Variants in RBFOX1 observed in about 807,000 individuals in gnomAD.
RBFOX1 encodes the protein RNA binding fox-1 homolog 1.
A neutral mutation model predicts 57.7 loss-of-function variants in RBFOX1; 8 were observed. The observed-to-expected ratio is 0.14, with a 90% CI of 0.08 to 0.25. The LOEUF (loss-of-function observed/expected upper bound fraction) is 0.25, where lower values mean the gene tolerates loss of function less well. Among genes scored for constraint, RBFOX1 ranks in the 10% least tolerant of loss-of-function variants. The probability of loss-of-function intolerance (pLI) is 1.00; values close to 1 mark genes in which losing one functional copy is unlikely to be tolerated. For synonymous variants in RBFOX1, 326 were observed against 222.4 expected (o/e 1.47, Z -4.15); for missense variants, 611 against 548.5 (o/e 1.11, Z -1.14).
intron 4 of RBFOX1, among the ~76,000 whole-genome samples, chr16:7,134,474 C>G (rs937769054): frequency 1.3e-5 from 2 of 152,162 alleles, no homozygotes; most frequent in East Asian, 1.9e-4. Context: ...CCAGTTTGGA[C>G]TCACAGTCAT....
intron 3 of RBFOX1, among the ~76,000 whole-genome samples, chr16:5,715,048 C>G (rs1171152755): frequency 6.6e-6 from 1 of 152,196 alleles, no homozygotes; most frequent in African/African-American, 2.4e-5. Flanking sequence ...AGAAGGATAA[C>G]TTTTCCTGCT....
chr16:6,914,357 C>T lies in RBFOX1; in HGVS notation c.-15-137700C>T, dbSNP rs184551668. 1.3e-4 allele frequency among the ~76,000 whole-genome samples: 19 copies of T among 151,998 alleles called. No individual in the cohort carries two copies. The South Asian group carries it at 1.7e-3, about 13-fold the overall frequency. On this transcript the variant is annotated intron_variant, in intron 3 of 15. Coordinates refer to ENST00000550418, the MANE Select transcript of RBFOX1 (RefSeq NM_018723.4). The stretch of plus-strand genomic sequence containing the variant: ...GGTGTCTGGGCTTAAATTACAGGGT[C>T]GGCTGATAAGTATTCTACTTTTCAT...
Position 6,537,931 on chromosome 16 carries a change from T to A in RBFOX1, c.-63-116672T>A, listed in dbSNP as rs935028572. 1.6e-4 allele frequency among the ~76,000 whole-genome samples: 25 copies of A among 152,090 alleles called. No individual in the cohort carries two copies. In the East Asian group the frequency reaches 4.8e-3, roughly 29 times the overall value. ...AAGAACCGGCCTAAAGAGCAAGATT[T>A]TTTTTTTTAATAAAAAGGATATCCT... On this transcript the variant is annotated intron_variant, in intron 2 of 15. Transcript: ENST00000550418.
chr16:6,572,822 G>A (rs943214184), intron 2 of RBFOX1, among the ~76,000 whole-genome samples: 1 of 152,028 alleles, frequency 6.6e-6, no homozygotes, highest in Non-Finnish European at 1.5e-5. Flanking sequence ...TCGAACTCCT[G>A]ACCTCAAGTG....
At chr16:6,904,823 T>C (rs1326154291) in intron 3 of RBFOX1, among the ~76,000 whole-genome samples, 1 of 152,090 alleles carries the variant, frequency 6.6e-6, no homozygotes, top group Non-Finnish European at 1.5e-5. Context: ...TCAAAGTGGC[T>C]GATTTTGTTA....
At chr16:6,317,735 T>C (rs1422816490) in intron 2 of RBFOX1, among the ~76,000 whole-genome samples, 1 of 152,152 alleles carries the variant, frequency 6.6e-6, no homozygotes, top group Non-Finnish European at 1.5e-5. Context: ...TACTCTAGCA[T>C]TTGGGGTAGC....
At chr16:5,471,186 C>T (rs1056288883) in intron 2 of RBFOX1, among the ~76,000 whole-genome samples, 2 of 152,184 alleles carry the variant, frequency 1.3e-5, no homozygotes, top group Non-Finnish European at 2.9e-5. Context: ...CAGATCCACA[C>T]AGCCCCCAGA....
At chr16:6,672,379 G>T (rs982821143) in intron 3 of RBFOX1, among the ~76,000 whole-genome samples, 2 of 149,814 alleles carry the variant, frequency 1.3e-5, no homozygotes, top group South Asian at 4.2e-4. Flanking sequence ...GGGAGAAAGA[G>T]AGAGAGAAGG....
intron 1 of RBFOX1, among the ~76,000 whole-genome samples, chr16:6,261,937 T>A (rs1032739286): frequency 1.3e-5 from 2 of 151,882 alleles, no homozygotes; most frequent in African/African-American, 2.4e-5. Context: ...GGCTGAGGCA[T>A]GAGAGTTGCT....
chr16:6,011,708 T>A (rs949242973), intron 4 of RBFOX1, among the ~76,000 whole-genome samples: 6 of 152,154 alleles, frequency 3.9e-5, no homozygotes, highest in African/African-American at 7.2e-5. Context: ...CTTGCATGTG[T>A]CTCCCAATTT....
chr16:7,455,473 T>A (rs1197280447), intron 4 of RBFOX1, among the ~76,000 whole-genome samples: 1 of 152,068 alleles, frequency 6.6e-6, no homozygotes, highest in Admixed American at 6.6e-5. Context: ...GATATGGACA[T>A]TTTGTGGGGA....
chr16:5,719,732 T>C (rs1341034202), intron 3 of RBFOX1, among the ~76,000 whole-genome samples: 1 of 152,208 alleles, frequency 6.6e-6, no homozygotes, highest in Non-Finnish European at 1.5e-5. Flanking sequence ...CTGTAGCCTA[T>C]GTCAATACTT....
chr16:5,947,620 G>C lies in RBFOX1; in HGVS notation c.351+80285G>C, dbSNP rs1210152377. 6.6e-6 allele frequency among the ~76,000 whole-genome samples: 1 copy of C among 152,152 alleles called. No homozygotes were observed. The highest frequency in any genetic ancestry group is 1.9e-4 in the East Asian group (1 of 5,188). On this transcript the variant is annotated intron_variant, in intron 4 of 19. Transcript: ENST00000641259. This position sits in a 1 kb window ranked among gnomAD's most constrained non-coding sequence, Gnocchi z 7.2. ...TTACATGCATGATCCACCATGTCTT[G>C]ACCCTTCGATTTTAGGTATTTTTAT...
At chr16:7,597,083 T>C (rs1474863028) in intron 8 of RBFOX1, 5 of 242,688 alleles carry the variant, frequency 2.1e-5, no homozygotes, top group South Asian at 1.0e-4. Context: ...CTTTTAAATC[T>C]TCAATTATGC....
At chr16:6,256,175 A>ATATATGTATATG (rs71145207) in intron 1 of RBFOX1, among the ~76,000 whole-genome samples, 1 of 28,324 alleles carries the variant, frequency 3.5e-5, no homozygotes, top group Non-Finnish European at 8.0e-5. Flanking sequence ...ATATATGTAT[A>ATATATGTATATG]TATATATATA....
chr16:7,589,339 G>A (rs1053424250), intron 7 of RBFOX1, among the ~76,000 whole-genome samples: 7 of 152,150 alleles, frequency 4.6e-5, no homozygotes, highest in Non-Finnish European at 1.5e-5. Flanking sequence ...GCTGTTTTGG[G>A]ACATTAGAAG....
intron 4 of RBFOX1, among the ~76,000 whole-genome samples, chr16:7,144,022 T>C (rs78172389): frequency 0.014 from 2,191 of 152,278 alleles, 64 homozygotes; most frequent in African/African-American, 0.05. Flanking sequence ...TTGGTTCCTG[T>C]GTAGTTTTCA....
chr16:7,420,583 TC>T (rs2098531006), intron 4 of RBFOX1, among the ~76,000 whole-genome samples: 2 of 152,096 alleles, frequency 1.3e-5, no homozygotes, highest in South Asian at 4.1e-4. Flanking sequence ...ATTATTTGTA[TC>T]TTTTTTTTTC....
rs146474526 is a variant in RBFOX1, at chr16:6,886,174, G to C, written c.-15-165883G>C. On this transcript the variant is annotated intron_variant, in intron 3 of 15. Coordinates refer to ENST00000550418, the MANE Select transcript of RBFOX1 (RefSeq NM_018723.4). ...CCCCCAGGGTTCAAGTGACTCTCCT[G>C]CCTCAGCCTCCTGAGTAGCTGGGAT... Among the ~76,000 whole-genome samples, 901 of 151,208 alleles carry C rather than the reference G, an allele frequency of 6.0e-3. 14 individuals are homozygous for C. The highest frequency in any genetic ancestry group is 0.021 in the African/African-American group (851 of 41,164).
Sources: allele counts gnomAD v4.1 joint callset (sites outside exome capture counted in the v4.1 genomes callset), GRCh38; gene constraint gnomAD v4.1.1; non-coding constraint Gnocchi (gnomAD v3.1); transcripts MANE v1.5; gene names NCBI Gene and HGNC (gene_info 2026-07-23, HGNC 2026-07-21).